The following PTPRN2 variants were observed in gnomAD, a reference collection of about 807,000 sequenced individuals.
PTPRN2 encodes receptor-type tyrosine-protein phosphatase N2.
In PTPRN2, 74 loss-of-function variants were observed where a neutral mutation model predicts 118.8. The ratio of observed to expected loss-of-function variants is 0.62; its 90% CI spans 0.52 to 0.76. PTPRN2 has a LOEUF of 0.76. Ranked by LOEUF, PTPRN2 falls within the 30% of genes least tolerant of loss-of-function variation. PTPRN2 has a pLI of 0.00. For synonymous variants in PTPRN2, 641 were observed against 608.0 expected (o/e 1.05, Z -0.80); for missense variants, 1,481 against 1,394.4 (o/e 1.06, Z -0.99).
rs1419994851 is a variant in PTPRN2, at chr7:157,763,859, C to A, written c.1789-80922G>T. ...CCACTGCCCCATGTGGCTGCCCCAT[C>A]CCCCAGAGCACCACGGTGCCCACCT... On this transcript the variant is annotated intron_variant, in intron 12 of 22. Coordinates refer to ENST00000389418, the MANE Select transcript of PTPRN2 (RefSeq NM_002847.5). This position sits in a 1 kb window ranked among gnomAD's most constrained non-coding sequence, Gnocchi z 4.9. Among the ~76,000 whole-genome samples, 3 of 152,060 alleles carry A rather than the reference C, an allele frequency of 2.0e-5. No homozygotes were observed. Among genetic ancestry groups the A allele is most frequent in the Non-Finnish European group, 2.9e-5 (2 of 68,008 alleles).
chr7:158,103,898 T>C (rs982834453), intron 10 of PTPRN2, among the ~76,000 whole-genome samples: 2 of 152,044 alleles, frequency 1.3e-5, no homozygotes, highest in Non-Finnish European at 2.9e-5. Flanking sequence ...AGTCTTGCTC[T>C]GTTGCCCAGG....
intron 2 of PTPRN2, among the ~76,000 whole-genome samples, chr7:158,396,953 AG>A (rs1287391296): frequency 2.0e-5 from 3 of 152,276 alleles, no homozygotes; most frequent in Non-Finnish European, 4.4e-5. Context: ...AATGGCCTCA[AG>A]GAAATTGCAG....
intron 2 of PTPRN2, among the ~76,000 whole-genome samples, chr7:158,342,159 C>CACACT (rs1381209721): frequency 2.8e-5 from 4 of 140,750 alleles, no homozygotes; most frequent in African/African-American, 5.4e-5. Flanking sequence ...TCACTCACAC[C>CACACT]CACACTCTCA....
chr7:158,235,511 T>A (rs903936600), intron 3 of PTPRN2, among the ~76,000 whole-genome samples: 1 of 152,266 alleles, frequency 6.6e-6, no homozygotes, highest in African/African-American at 2.4e-5. Flanking sequence ...AAATACTGCA[T>A]GTTCTCACTC....
At chr7:157,594,774 C>T (rs150804741) in intron 17 of PTPRN2, among the ~76,000 whole-genome samples, 32 of 152,342 alleles carry the variant, frequency 2.1e-4, no homozygotes, top group Admixed American at 5.9e-4. Context: ...TCAGCCCTCA[C>T]GTCTGTGCCT....
At chr7:157,697,963 A>G (rs1246907365) in intron 12 of PTPRN2, among the ~76,000 whole-genome samples, 9 of 136,734 alleles carry the variant, frequency 6.6e-5, no homozygotes, top group East Asian at 2.3e-4. Flanking sequence ...TGCATACTGG[A>G]TCTTAGCAGA....
At chr7:157,599,812 A>G (rs1312042103) in intron 16 of PTPRN2, among the ~76,000 whole-genome samples, 1 of 151,702 alleles carries the variant, frequency 6.6e-6, no homozygotes, top group Non-Finnish European at 1.5e-5. Flanking sequence ...GAATAAGCAC[A>G]CACCTCATCT....
rs1401310488 is a variant in PTPRN2 at position 157,548,989 on chromosome 7, A to T, written c.2933T>A (p.Leu978Gln). ...GAKEIDIAATLEHLRDQRPGM... is the reference protein window; with the variant it reads ...GAKEIDIAATQEHLRDQRPGM... The stretch of plus-strand genomic sequence containing the variant: ...GGGTCTCTGGTCCCTCAAGTGCTCC[A>T]GGGTCGCTGCGATATCAATCTCTTT... The change falls in exon 22 of 23, where the codon CTG becomes CAG. Residue 978 changes from leucine to glutamine, a missense_variant. This residue lies in a region of PTPRN2 where 362 missense variants were observed against 384.1 expected (regional missense o/e 0.94). Coordinates refer to ENST00000389418, the MANE Select transcript of PTPRN2 (RefSeq NM_002847.5). 6.2e-7 allele frequency: 1 copy of T among 1,614,222 alleles called. No individual in the cohort carries two copies.
intron 3 of PTPRN2, among the ~76,000 whole-genome samples, chr7:158,311,305 G>T (rs1003518453): frequency 7.9e-5 from 12 of 152,206 alleles, no homozygotes; most frequent in African/African-American, 1.4e-4. Context: ...TACATATTTG[G>T]TTTTTTTGCT....
chr7:157,981,285 T>C (rs1178570522), intron 11 of PTPRN2, among the ~76,000 whole-genome samples: 3 of 151,574 alleles, frequency 2.0e-5, no homozygotes, highest in African/African-American at 7.3e-5. Flanking sequence ...TGGAGAAGGC[T>C]TCCATAGTCG....
chr7:158,187,868 T>C (rs1237753617), intron 5 of PTPRN2, among the ~76,000 whole-genome samples: 2 of 152,122 alleles, frequency 1.3e-5, no homozygotes, highest in African/African-American at 2.4e-5. Context: ...CCGACCATCG[T>C]GTGTAGGAGA....
At position 157,617,276 on chromosome 7, in the gene PTPRN2, A is replaced by C. The variant is rs1303708566; in HGVS notation, c.2344+4086T>G. 1 of 149,192 alleles carries C rather than the reference A, an allele frequency of 6.7e-6. No individual in the cohort carries two copies. The highest frequency in any genetic ancestry group is 6.7e-5 in the Admixed American group (1 of 14,990). 9.2% of individuals were successfully genotyped at this position (149,192 alleles called of 1,614,324 possible). Reference sequence around the variant, plus strand: ...ACGATGCCCCAGTGATGCCGTGGTTAGGACGCCGTTCACGCAGCTGCAGCG... The same window carrying C: ...ACGATGCCCCAGTGATGCCGTGGTTCGGACGCCGTTCACGCAGCTGCAGCG... On this transcript the variant is annotated intron_variant, in intron 15 of 22. Coordinates refer to ENST00000389418, the MANE Select transcript of PTPRN2 (RefSeq NM_002847.5). This position sits in a 1 kb window ranked among gnomAD's most constrained non-coding sequence, Gnocchi z 7.5.
At position 158,408,048 on chromosome 7, in the gene PTPRN2, A is replaced by C. The variant is rs191794889; in HGVS notation, c.163+81687T>G. ...TCCCTCTTCATCTTCAGAAGTTGAAATAGGAAAGGAAAAGGCAACACTTAG... is the reference window on the plus strand; with the variant it reads ...TCCCTCTTCATCTTCAGAAGTTGAACTAGGAAAGGAAAAGGCAACACTTAG... On this transcript the variant is annotated intron_variant, in intron 2 of 22. Transcript: ENST00000389418. Among the ~76,000 whole-genome samples the C allele has an allele frequency of 2.0e-3, 307 of 152,336 alleles. 1 individual carries two copies. Among genetic ancestry groups the C allele is most frequent in the Middle Eastern group, 6.8e-3 (2 of 294 alleles).
intron 1 of PTPRN2, among the ~76,000 whole-genome samples, chr7:158,500,831 C>G (rs765531333): frequency 6.6e-6 from 1 of 152,266 alleles, no homozygotes; most frequent in South Asian, 2.1e-4. Context: ...GCCCAGTCCC[C>G]GAGTTTCTGA....
intron 11 of PTPRN2, among the ~76,000 whole-genome samples, chr7:158,008,459 C>A (rs1239316994): frequency 6.6e-6 from 1 of 152,238 alleles, no homozygotes; most frequent in Admixed American, 6.5e-5. Flanking sequence ...AACAGATGAA[C>A]CTGTCCCGCG....
chr7:158,520,975 A>T (rs1028707477), intron 1 of PTPRN2, among the ~76,000 whole-genome samples: 14 of 152,154 alleles, frequency 9.2e-5, no homozygotes, highest in Admixed American at 2.6e-4. Context: ...CAGCCAGCCA[A>T]GGAACAGGAG....
At chr7:158,011,798 G>A (rs1806065428) in intron 11 of PTPRN2, among the ~76,000 whole-genome samples, 1 of 152,106 alleles carries the variant, frequency 6.6e-6, no homozygotes, top group Non-Finnish European at 1.5e-5. Context: ...AGATATATGC[G>A]AGATGAGTTT....
At chr7:158,118,061 AG>A (rs1249015373) in intron 9 of PTPRN2, among the ~76,000 whole-genome samples, 1 of 152,222 alleles carries the variant, frequency 6.6e-6, no homozygotes, top group Non-Finnish European at 1.5e-5. Flanking sequence ...AACTCCTTTT[AG>A]TTCTCTATAT....
intron 9 of PTPRN2, among the ~76,000 whole-genome samples, chr7:158,111,125 G>A (rs771167648): frequency 1.3e-5 from 2 of 152,192 alleles, no homozygotes; most frequent in African/African-American, 2.4e-5. Context: ...TGTGGGAATC[G>A]CAAGTGGCCC....
Sources: gnomAD v4.1 joint callset for allele counts (sites outside exome capture counted in the v4.1 genomes callset) on GRCh38, gnomAD v4.1.1 for gene constraint, gnomAD v4.1.1 regional missense constraint, Gnocchi (gnomAD v3.1) non-coding constraint, MANE v1.5 for transcripts, NCBI Gene and HGNC (gene_info 2026-07-23, HGNC 2026-07-21) for gene names.